The following PDE7A variants were observed in gnomAD, a reference collection of about 807,000 sequenced individuals.
The protein encoded by PDE7A is phosphodiesterase 7A.
In PDE7A, 39 loss-of-function variants were observed where a neutral mutation model predicts 64.3. The observed-to-expected ratio is 0.61, with a 90% CI of 0.47 to 0.79. The LOEUF is 0.79. Among genes scored for constraint, PDE7A ranks in the 30% least tolerant of loss-of-function variants. The pLI, the probability that PDE7A is intolerant of heterozygous loss-of-function variation, is 0.00. For synonymous variants in PDE7A, 203 were observed against 206.8 expected (o/e 0.98, Z 0.16); for missense variants, 470 against 582.8 (o/e 0.81, Z 1.99).
intron 3 of PDE7A, among the ~76,000 whole-genome samples, chr8:65,769,296 T>A (rs1018750822): frequency 3.3e-5 from 5 of 151,308 alleles, no homozygotes; most frequent in African/African-American, 9.7e-5. Context: ...CATATTTTTT[T>A]TAAAAAATTG....
At chr8:65,822,891 A>T (rs1225499632) in intron 1 of PDE7A, among the ~76,000 whole-genome samples, 1 of 152,188 alleles carries the variant, frequency 6.6e-6, no homozygotes, top group Non-Finnish European at 1.5e-5. Context: ...AGATTATCTG[A>T]GGCAGCAGTC....
Position 65,715,023 on chromosome 8 carries a change from T to A in PDE7A, c.*4267A>T, listed in dbSNP as rs1450963292. ...TCAAAATTTTCTCTCCAAGGACCTTTTACTCCTAGAGCAGAGACTCCCTCA... is the reference window on the plus strand; with the variant it reads ...TCAAAATTTTCTCTCCAAGGACCTTATACTCCTAGAGCAGAGACTCCCTCA... On this transcript the variant is annotated 3_prime_UTR_variant, in exon 13 of 13. Coordinates refer to ENST00000401827, the MANE Select transcript of PDE7A (RefSeq NM_001242318.3). 6.6e-6 allele frequency among the ~76,000 whole-genome samples: 1 copy of A among 152,122 alleles called. No individual in the cohort carries two copies. Among genetic ancestry groups the A allele is most frequent in the African/African-American group, 2.4e-5 (1 of 41,410 alleles).
intron 3 of PDE7A, among the ~76,000 whole-genome samples, chr8:65,759,831 A>G (rs1189312207): frequency 6.6e-6 from 1 of 151,994 alleles, no homozygotes; most frequent in Non-Finnish European, 1.5e-5. Context: ...AGAAACAACC[A>G]TTGTTAACAC....
chr8:65,729,364 CTTTT>C (rs10540107), intron 7 of PDE7A, among the ~76,000 whole-genome samples: 39 of 80,076 alleles, frequency 4.9e-4, no homozygotes, highest in Admixed American at 1.9e-3. Context: ...TTGGTGGTAG[CTTTT>C]TTTTTTTTTT....
intron 1 of PDE7A, among the ~76,000 whole-genome samples, chr8:65,801,719 G>T (rs1040520760): frequency 6.6e-6 from 1 of 152,128 alleles, no homozygotes; most frequent in African/African-American, 2.4e-5. Context: ...ACAAATTTAT[G>T]CAGGCTGGCA....
intron 7 of PDE7A, chr8:65,727,930 C>T (rs1693651435): frequency 6.6e-6 from 1 of 152,178 alleles, no homozygotes; most frequent in Admixed American, 6.5e-5. Context: ...TAACTTTACT[C>T]TCAATAATCA....
At chr8:65,797,639 C>G (rs1809875727) in intron 1 of PDE7A, among the ~76,000 whole-genome samples, 1 of 152,160 alleles carries the variant, frequency 6.6e-6, no homozygotes. Context: ...AGACTCAATA[C>G]TGTCAATTTT....
chr8:65,785,414 A>G (rs1490516351), intron 1 of PDE7A, among the ~76,000 whole-genome samples: 1 of 152,216 alleles, frequency 6.6e-6, no homozygotes, highest in Non-Finnish European at 1.5e-5. Context: ...GGACCAAATC[A>G]TATAGACTAC....
rs1806144854 is a variant in PDE7A at position 65,716,338 on chromosome 8, G to C, written c.*2952C>G. 6.6e-6 allele frequency among the ~76,000 whole-genome samples: 1 copy of C among 152,160 alleles called. No homozygotes were observed. The highest frequency in any genetic ancestry group is 2.4e-5 in the African/African-American group (1 of 41,428). ...AGAGAAACAATGGATCAGAGCAGAA[G>C]CAATCATGTATACAGGCAGAATGGA... On this transcript the variant is annotated 3_prime_UTR_variant, in exon 13 of 13. Transcript: ENST00000401827.
chr8:65,784,834 AT>A (rs756870878), intron 1 of PDE7A, among the ~76,000 whole-genome samples: 23 of 152,278 alleles, frequency 1.5e-4, no homozygotes, highest in Non-Finnish European at 2.4e-4. Flanking sequence ...TAAAAAAAAT[AT>A]AAAAAAATGC....
At chr8:65,797,490 G>A (rs926066320) in intron 1 of PDE7A, among the ~76,000 whole-genome samples, 5 of 152,174 alleles carry the variant, frequency 3.3e-5, no homozygotes, top group African/African-American at 9.7e-5. Context: ...CGGGGGGCAA[G>A]GCCTTGGCTG....
At chr8:65,750,682 T>C (rs1184117507) in intron 3 of PDE7A, among the ~76,000 whole-genome samples, 1 of 152,136 alleles carries the variant, frequency 6.6e-6, no homozygotes, top group African/African-American at 2.4e-5. Context: ...AGTCAATTGG[T>C]ACTGTCTGGG....
At chr8:65,768,221 G>GT (rs1259146054) in intron 3 of PDE7A, among the ~76,000 whole-genome samples, 1 of 152,178 alleles carries the variant, frequency 6.6e-6, no homozygotes, top group Non-Finnish European at 1.5e-5. Flanking sequence ...AATTTAAACA[G>GT]TATCTTTAAT....
intron 12 of PDE7A, among the ~76,000 whole-genome samples, chr8:65,721,370 A>G (rs1806370815): frequency 6.6e-6 from 1 of 152,228 alleles, no homozygotes; most frequent in Non-Finnish European, 1.5e-5. Context: ...AGTAGTAATC[A>G]CTGCTTGGTG....
At chr8:65,765,293 T>C (rs1330692649) in intron 3 of PDE7A, among the ~76,000 whole-genome samples, 1 of 150,446 alleles carries the variant, frequency 6.6e-6, no homozygotes, top group African/African-American at 2.4e-5. Flanking sequence ...ATCGAGACCA[T>C]CCCGGCTAAA....
At chr8:65,777,359 G>A (rs985220490) in intron 3 of PDE7A, among the ~76,000 whole-genome samples, 5 of 151,524 alleles carry the variant, frequency 3.3e-5, no homozygotes, top group Non-Finnish European at 7.4e-5. Context: ...GATTACAAGC[G>A]TGAGCCACAA....
chr8:65,722,836 C>T (rs1806441494), intron 12 of PDE7A: 1 of 152,186 alleles, frequency 6.6e-6, no homozygotes, highest in African/African-American at 2.4e-5. Context: ...AGAAAAGTGA[C>T]TGACTCTGCC....
intron 3 of PDE7A, among the ~76,000 whole-genome samples, chr8:65,759,024 G>C (rs1247000317): frequency 6.6e-6 from 1 of 152,128 alleles, no homozygotes; most frequent in East Asian, 1.9e-4. Context: ...AACATGTCTT[G>C]ACTCAGCCCA....
intron 2 of PDE7A, among the ~76,000 whole-genome samples, chr8:65,782,163 TG>T (rs1319040756): frequency 2.0e-5 from 3 of 152,194 alleles, no homozygotes; most frequent in African/African-American, 4.8e-5. Context: ...TGAATAAATT[TG>T]CCTGTTGGAA....
Sources: gnomAD v4.1 joint callset for allele counts (sites outside exome capture counted in the v4.1 genomes callset) on GRCh38, gnomAD v4.1.1 for gene constraint, MANE v1.5 for transcripts, NCBI Gene and HGNC (gene_info 2026-07-23, HGNC 2026-07-21) for gene names.